The following COL11A2 variants were observed in gnomAD, a reference collection of about 807,000 sequenced individuals.
The protein encoded by COL11A2 is collagen alpha-2(XI) chain.
COL11A2 carries 116 observed loss-of-function variants against 273.4 expected under a neutral mutation model. The ratio of observed to expected loss-of-function variants is 0.42; its 90% CI spans 0.36 to 0.49. The LOEUF is 0.49. Among genes scored for constraint, COL11A2 ranks in the 20% least tolerant of loss-of-function variants. The probability of loss-of-function intolerance (pLI) is 0.00; values close to 1 mark genes in which losing one functional copy is unlikely to be tolerated. For synonymous variants in COL11A2, 782 were observed against 864.2 expected, an observed-to-expected ratio of 0.90 and a Z score of 1.67; for missense variants, 1,866 against 2,309.0, an observed-to-expected ratio of 0.81 and a Z score of 3.93.
chr6:33,177,423 G>T lies in COL11A2; in HGVS notation c.1960C>A (p.Pro654Thr). The change falls in exon 23 of 66, where the codon CCT becomes ACT. Residue 654 changes from proline to threonine, a missense_variant. Transcript: ENST00000341947. The surrounding 1 kb of genome is among the most constrained non-coding windows in gnomAD (Gnocchi z 5.9). ...GGGGCACCGCTCACCTGGGTCCCAGGGGTGCCCTGTTGTCCAGGAGGTCCT... is the reference window on the plus strand; with the variant it reads ...GGGGCACCGCTCACCTGGGTCCCAGTGGTGCCCTGTTGTCCAGGAGGTCCT... The part of the protein sequence containing the change: ...EPGPPGQQGT[P>T]GTQGLPGPQG... 6.2e-7 allele frequency: 1 copy of T among 1,612,910 alleles called. No homozygotes were observed. The highest frequency in any genetic ancestry group is 8.5e-7 in the Non-Finnish European group (1 of 1,179,962).
At position 33,178,659 on chromosome 6, in the gene COL11A2, A is replaced by G. The variant is rs892103586; in HGVS notation, c.1719+20T>C. 2 of 1,612,124 alleles carry G rather than the reference A, an allele frequency of 1.2e-6. No individual in the cohort carries two copies. Among genetic ancestry groups the G allele is most frequent in the Non-Finnish European group, 1.7e-6 (2 of 1,179,674 alleles). On this transcript the variant is annotated intron_variant, in intron 18 of 65. Transcript: ENST00000341947. The surrounding 1 kb of genome is among the most constrained non-coding windows in gnomAD (Gnocchi z 4.6). ...GAAGATCTATCCCCAATTACAACAC[A>G]CACCCACTAATGTACTCACCCTATG...
In COL11A2 at chr6:33,178,304, T is replaced by C; in HGVS notation, c.1818+4A>G. 1 of 1,611,976 alleles carries C rather than the reference T, an allele frequency of 6.2e-7. No homozygotes were observed. Among genetic ancestry groups the C allele is most frequent in the Non-Finnish European group, 8.5e-7 (1 of 1,179,672 alleles). On this transcript the variant is annotated splice_donor_region_variant and intron_variant, in intron 20 of 65. Coordinates refer to ENST00000341947, the MANE Select transcript of COL11A2 (RefSeq NM_080680.3). This position sits in a 1 kb window ranked among gnomAD's most constrained non-coding sequence, Gnocchi z 4.6. ...TCCCCCAGCACCAGCCCTTGGACAC[T>C]CACCGACTCTCCAGGCAGCCCTCGA...
In COL11A2 at chr6:33,173,335, G is replaced by A; in HGVS notation, c.2736+13C>T. On this transcript the variant is annotated intron_variant, in intron 37 of 65. Coordinates refer to ENST00000341947, the MANE Select transcript of COL11A2 (RefSeq NM_080680.3). The surrounding 1 kb of genome is among the most constrained non-coding windows in gnomAD (Gnocchi z 6.3). ...GAGCCCCCTGAGAATGGGTAGCCAG[G>A]AGCATCACTCACCACTTCTCCTCTT... 1.9e-6 allele frequency: 3 copies of A among 1,611,598 alleles called. No individual in the cohort carries two copies. The highest frequency in any genetic ancestry group is 2.5e-6 in the Non-Finnish European group (3 of 1,179,914).
At position 33,190,937 on chromosome 6, in the gene COL11A2, C is replaced by G. The variant is rs953746283; in HGVS notation, c.82+1222G>C. Among the ~76,000 whole-genome samples, 4 of 152,140 alleles carry G rather than the reference C, an allele frequency of 2.6e-5. No homozygotes were observed. Among genetic ancestry groups the G allele is most frequent in the African/African-American group, 9.7e-5 (4 of 41,398 alleles). ...AGGCCACATACTTGCCCCCCTGTAT[C>G]CAGCCTCATCTGCCCCACAGGCTCT... On this transcript the variant is annotated intron_variant, in intron 1 of 65. Coordinates refer to ENST00000341947, the MANE Select transcript of COL11A2 (RefSeq NM_080680.3). The surrounding 1 kb of genome is among the most constrained non-coding windows in gnomAD (Gnocchi z 4.5).
intron 5 of COL11A2, 26 bp from the exon 6 acceptor site, chr6:33,185,804 AGGAAGGGGATGGGGTAATT>A: frequency 2.4e-6 from 2 of 830,396 alleles, no homozygotes; most frequent in Non-Finnish European, 3.6e-6. Context: ...GGGCATAGAC[AGGAAGGGGATGGGGTAATT>A]GGAAGGTGTG....
At chr6:33,183,718 G>A (rs116492147) in intron 8 of COL11A2, among the ~76,000 whole-genome samples, 21,592 of 152,210 alleles carry the variant, frequency 0.14, 2,075 homozygotes, top group Admixed American at 0.26. Context: ...AAAAAAAGGT[G>A]ACATAGGAAG....
rs773235349 is a variant in COL11A2 at position 33,165,553 on chromosome 6, G to T, written c.4746C>A (p.Pro1582=). 4.3e-6 allele frequency: 7 copies of T among 1,612,702 alleles called. No homozygotes were observed. Among genetic ancestry groups the T allele is most frequent in the Middle Eastern group, 1.7e-4 (1 of 5,902 alleles). ...QDLKLCHPEL[P]DGEYWVDPNQ... is the part of the protein sequence containing the mutation. ...CACCCTGAGGCTAGCACTGACCATC[G>T]GGAAGCTCTGGGTGGCACAGCTTCA... is the stretch of plus-strand genomic sequence containing the variant. The change falls in exon 63 of 66, where the codon CCC becomes CCA. Residue 1582 remains proline, a synonymous_variant. Transcript: ENST00000341947. This position sits in a 1 kb window ranked among gnomAD's most constrained non-coding sequence, Gnocchi z 7.7.
chr6:33,174,447 G>C (rs1186767024), intron 31 of COL11A2, 80 bp downstream of exon 31: 4 of 1,560,250 alleles, frequency 2.6e-6, no homozygotes, highest in Non-Finnish European at 2.6e-6. Context: ...CCCTGCATCT[G>C]TGCTTTCTGG....
In COL11A2 at chr6:33,172,697, G is replaced by T. The variant is rs140892262; in HGVS notation, c.2791-60C>A. On this transcript the variant is annotated intron_variant, in intron 38 of 65. Transcript: ENST00000341947. ...CCCTTCATCTCGCTGTCTGCCAGAAGAGCCCACCCTGGCCACCCTAAAACA... is the reference window on the plus strand; with the variant it reads ...CCCTTCATCTCGCTGTCTGCCAGAATAGCCCACCCTGGCCACCCTAAAACA... 7 of 1,460,538 alleles carry T rather than the reference G, an allele frequency of 4.8e-6. No homozygotes were observed. The African/African-American group carries it at 6.9e-5, about 14-fold the overall frequency. The allele number at this position is 1,460,538 out of a possible 1,614,324, so 90.5% of individuals were successfully genotyped here.
Position 33,180,333 on chromosome 6 carries a change from C to G in COL11A2, c.1285-1G>C. 6.2e-7 allele frequency: 1 copy of G among 1,612,102 alleles called. No homozygotes were observed. On this transcript the variant is annotated splice_acceptor_variant, in intron 11 of 65. Coordinates refer to ENST00000341947, the MANE Select transcript of COL11A2 (RefSeq NM_080680.3). LOFTEE classifies it high-confidence loss of function. ...GGAGCCCTGCTCGGCCAGGGGGGCC[C>G]TGGAGTGGGAAGAGAATGCAAAAGA... is the stretch of plus-strand genomic sequence containing the variant.
At position 33,178,747 on chromosome 6, in the gene COL11A2, G is replaced by A; in HGVS notation, c.1666-15C>T. ...CCTCGGTCACCCTAGGAGGAGGAAG[G>A]ATAGCCAGAGTGAGGACACGACCCT... On this transcript the variant is annotated splice_polypyrimidine_tract_variant and intron_variant, in intron 17 of 65. Coordinates refer to ENST00000341947, the MANE Select transcript of COL11A2 (RefSeq NM_080680.3). The surrounding 1 kb of genome is among the most constrained non-coding windows in gnomAD (Gnocchi z 4.6). 6.2e-7 allele frequency: 1 copy of A among 1,612,730 alleles called. No homozygotes were observed. Among genetic ancestry groups the A allele is most frequent in the Non-Finnish European group, 8.5e-7 (1 of 1,179,890 alleles).
At position 33,179,684 on chromosome 6, in the gene COL11A2, G is replaced by A; in HGVS notation, c.1446+35C>T. 1 of 1,608,018 alleles carries A rather than the reference G, an allele frequency of 6.2e-7. No individual in the cohort carries two copies. On this transcript the variant is annotated intron_variant, in intron 13 of 65. Coordinates refer to ENST00000341947, the MANE Select transcript of COL11A2 (RefSeq NM_080680.3). The surrounding 1 kb of genome is among the most constrained non-coding windows in gnomAD (Gnocchi z 6.4). ...CAGCCAACCCTTCCAGTGCCCCCCA[G>A]AGCCTTCCCTTTCCAGGGAAGCAGC...
At position 33,179,500 on chromosome 6, in the gene COL11A2, G is replaced by A. The variant is rs1158879953; in HGVS notation, c.1447-13C>T. The A allele has an allele frequency of 1.3e-6, 2 of 1,555,520 alleles. No homozygotes were observed. The highest frequency in any genetic ancestry group is 1.7e-6 in the Non-Finnish European group (2 of 1,148,764). On this transcript the variant is annotated splice_polypyrimidine_tract_variant and intron_variant, in intron 13 of 65. Transcript: ENST00000341947. The surrounding 1 kb of genome is among the most constrained non-coding windows in gnomAD (Gnocchi z 6.4). ...CACGGAGCGCCAGCTAGGGGAGCAG[G>A]GGGACAGCAGAGCTGAGGGACAGGC... is the stretch of plus-strand genomic sequence containing the variant.
chr6:33,175,877 T>C (rs1165347389), intron 29 of COL11A2, 139 bp downstream of exon 29: 3 of 1,155,548 alleles, frequency 2.6e-6, no homozygotes, highest in Non-Finnish European at 3.9e-6. Context: ...TATCATCCTG[T>C]AGGGGTCAGG....
In COL11A2 at chr6:33,179,626, C is replaced by T; in HGVS notation, c.1446+93G>A. The T allele has an allele frequency of 6.6e-7, 1 of 1,522,226 alleles. No homozygotes were observed. Among genetic ancestry groups the T allele is most frequent in the Non-Finnish European group, 9.0e-7 (1 of 1,113,668 alleles). The allele number at this position is 1,522,226 out of a possible 1,614,324, so 94.3% of individuals were successfully genotyped here. A position where few individuals can be genotyped will look rare whatever the true frequency, so the allele number is the denominator to read the frequency against. On this transcript the variant is annotated intron_variant, in intron 13 of 65. Coordinates refer to ENST00000341947, the MANE Select transcript of COL11A2 (RefSeq NM_080680.3). The surrounding 1 kb of genome is among the most constrained non-coding windows in gnomAD (Gnocchi z 6.4). ...CCCCAACCTCCCTGTTAACCCCAAA[C>T]CAACCCAGGCCTCCCCTGCCGCACA...
rs775793988 is a variant in COL11A2, at chr6:33,170,561, G to A, written c.3524C>T (p.Pro1175Leu). The A allele has an allele frequency of 2.5e-6, 4 of 1,612,190 alleles. No homozygotes were observed. In the African/African-American group the frequency reaches 4.0e-5, roughly 16 times the overall value. Residue 1175 changes from proline (P) to leucine (L), a missense_variant, in exon 47 of 66, where the codon CCT (proline) becomes CTT (leucine). By Grantham distance (98) the Pro-to-Leu change is moderately conservative. Transcript: ENST00000341947. The surrounding 1 kb of genome is among the most constrained non-coding windows in gnomAD (Gnocchi z 4.3). ...GTCAGTAGGGGTCACACTCACCATA[G>A]GACCCACATCTCCTGTTTCTCCCTT... ...GEKGETGDVG[P>L]MGPPGPPGPR...
rs1770459471 is a variant in COL11A2 at position 33,173,592 on chromosome 6, G to A, written c.2629-37C>T. The A allele has an allele frequency of 7.7e-6, 5 of 647,116 alleles. No homozygotes were observed. Among genetic ancestry groups the A allele is most frequent in the African/African-American group, 4.0e-5 (2 of 50,534 alleles). 40.1% of individuals were successfully genotyped at this position (647,116 alleles called of 1,614,324 possible). Reference sequence around the variant, plus strand: ...GGTGGGGGGAGTCAGGAGAATGGGGGCAGGGGCTGAGTGGGGGAACTCAGC... The same window carrying A: ...GGTGGGGGGAGTCAGGAGAATGGGGACAGGGGCTGAGTGGGGGAACTCAGC... On this transcript the variant is annotated intron_variant, in intron 35 of 65. Coordinates refer to ENST00000341947, the MANE Select transcript of COL11A2 (RefSeq NM_080680.3). The surrounding 1 kb of genome is among the most constrained non-coding windows in gnomAD (Gnocchi z 6.3).
Position 33,171,581 on chromosome 6 carries a change from GAC to G in COL11A2, c.3151-9_3151-8del, listed in dbSNP as rs757763955. On this transcript the variant is annotated splice_region_variant and splice_polypyrimidine_tract_variant and intron_variant, in intron 42 of 65. Coordinates refer to ENST00000341947, the MANE Select transcript of COL11A2 (RefSeq NM_080680.3). ...CAATGGGGCCCTTCTCACCCTGTGG[GAC>G]AGGAGGAAGGAGTCATGGCCTGGAG... The G allele has an allele frequency of 1.2e-6, 2 of 1,613,056 alleles. No individual in the cohort carries two copies. The highest frequency in any genetic ancestry group is 2.2e-5 in the South Asian group (2 of 90,972).
At position 33,176,704 on chromosome 6, in the gene COL11A2, G is replaced by A; in HGVS notation, c.2115+17C>T. 6.2e-7 allele frequency: 1 copy of A among 1,611,918 alleles called. No individual in the cohort carries two copies. Among genetic ancestry groups the A allele is most frequent in the Middle Eastern group, 1.7e-4 (1 of 6,052 alleles). On this transcript the variant is annotated intron_variant, in intron 26 of 65. Transcript: ENST00000341947. The surrounding 1 kb of genome is among the most constrained non-coding windows in gnomAD (Gnocchi z 4.9). ...AGTGGAGACTCCCTCAGGGGATAAA[G>A]ACATGGAAGATCTCACCTGGTTTCC...
Sources: gnomAD v4.1 joint callset for allele counts (sites outside exome capture counted in the v4.1 genomes callset) on GRCh38, gnomAD v4.1.1 for gene constraint, Gnocchi (gnomAD v3.1) non-coding constraint, MANE v1.5 for transcripts, NCBI Gene and HGNC (gene_info 2026-07-23, HGNC 2026-07-21) for gene names.